Variants in ALPK1 observed in about 807,000 individuals in gnomAD.
ALPK1 encodes the protein alpha kinase 1, also known as alpha-protein kinase 1.
Under a neutral mutation model 120.6 loss-of-function variants are expected in ALPK1, and 110 were observed. The observed-to-expected ratio is 0.91, with a 90% CI of 0.78 to 1.07. The LOEUF is 1.07. Among genes scored for constraint, ALPK1 ranks in the 50% least tolerant of loss-of-function variants. ALPK1 has a pLI of 0.00. For synonymous variants in ALPK1, 582 were observed against 560.3 expected (o/e 1.04, Z -0.55); for missense variants, 1,498 against 1,483.9 (o/e 1.01, Z -0.16).
Position 112,382,472 on chromosome 4 carries a change from T to C in ALPK1, c.196T>C (p.Trp66Arg). Residue 66 changes from tryptophan to arginine, a missense_variant, in exon 4 of 16, where the codon TGG becomes CGG. Physicochemically the swap from Trp to Arg is moderately radical, Grantham distance 101. Transcript: ENST00000650871. The part of the protein sequence containing the change: ...EMKWPFVPEK[W>R]QYKQAVGPED... ...GAAGTGGCCCTTCGTGCCTGAAAAGTGGCAGTACAAACAAGCCGTGGGCCC... is the reference window on the plus strand; with the variant it reads ...GAAGTGGCCCTTCGTGCCTGAAAAGCGGCAGTACAAACAAGCCGTGGGCCC... 1.2e-6 allele frequency: 2 copies of C among 1,614,094 alleles called. No individual in the cohort carries two copies. Among genetic ancestry groups the C allele is most frequent in the Non-Finnish European group, 1.7e-6 (2 of 1,180,030 alleles).
intron 2 of ALPK1, among the ~76,000 whole-genome samples, chr4:112,367,901 A>T (rs1731228385): frequency 6.6e-6 from 1 of 152,020 alleles, no homozygotes; most frequent in Admixed American, 6.6e-5. Context: ...GCTAGAGCTA[A>T]TTATTTTTTT....
chr4:112,375,910 G>A (rs1731638349), intron 2 of ALPK1, among the ~76,000 whole-genome samples: 1 of 152,110 alleles, frequency 6.6e-6, no homozygotes, highest in Non-Finnish European at 1.5e-5. Flanking sequence ...AACACATAGA[G>A]GCTGCTGTAG....
Position 112,310,593 on chromosome 4 carries a change from A to G in ALPK1, c.-152-5208A>G, listed in dbSNP as rs1376770845. Among the ~76,000 whole-genome samples, 3 of 152,204 alleles carry G rather than the reference A, an allele frequency of 2.0e-5. No homozygotes were observed. In the East Asian group the frequency reaches 5.8e-4, roughly 29 times the overall value. On this transcript the variant is annotated intron_variant, in intron 1 of 15. Transcript: ENST00000650871. ...GATCTAGGTTACCTTTATCAAGTGT[A>G]AATGGGAACCTGCAGTACAGGATGC...
At chr4:112,390,256 A>T (rs1732347789) in intron 4 of ALPK1, among the ~76,000 whole-genome samples, 1 of 151,998 alleles carries the variant, frequency 6.6e-6, no homozygotes, top group Non-Finnish European at 1.5e-5. Context: ...GCTGCTCTCC[A>T]TTCCCGAGAC....
At chr4:112,372,371 C>T (rs561992569) in intron 2 of ALPK1, among the ~76,000 whole-genome samples, 7 of 152,180 alleles carry the variant, frequency 4.6e-5, no homozygotes, top group Admixed American at 4.6e-4. Flanking sequence ...AGCCACCACA[C>T]CCGGCTAATT....
intron 2 of ALPK1, among the ~76,000 whole-genome samples, chr4:112,349,353 C>G (rs1020420333): frequency 6.6e-6 from 1 of 151,966 alleles, no homozygotes; most frequent in African/African-American, 2.4e-5. Flanking sequence ...GAAACCAAAT[C>G]CAGAGTAAAC....
At chr4:112,437,912 C>T (rs555372002) in intron 12 of ALPK1, among the ~76,000 whole-genome samples, 4 of 152,236 alleles carry the variant, frequency 2.6e-5, no homozygotes, top group East Asian at 1.9e-4. Flanking sequence ...TGCTTCTTTC[C>T]GCATGTAATC....
At chr4:112,331,912 A>T (rs561603191) in intron 2 of ALPK1, among the ~76,000 whole-genome samples, 1 of 152,344 alleles carries the variant, frequency 6.6e-6, no homozygotes, top group South Asian at 2.1e-4. Context: ...TGGGTCTCAT[A>T]CATAATCAGT....
At chr4:112,378,015 G>C in intron 3 of ALPK1, 117 bp downstream of exon 3, 4 of 1,186,188 alleles carry the variant, frequency 3.4e-6, no homozygotes, top group Non-Finnish European at 4.4e-6. Context: ...GATGACCACC[G>C]AGAGATGAGT....
chr4:112,359,166 C>A (rs1405119693), intron 2 of ALPK1: 1 of 634,510 alleles, frequency 1.6e-6, no homozygotes, highest in South Asian at 1.6e-5. Flanking sequence ...CCAGGGCAGG[C>A]CCCACCTGTC....
chr4:112,313,848 A>C (rs1254920866), intron 1 of ALPK1, among the ~76,000 whole-genome samples: 1 of 152,234 alleles, frequency 6.6e-6, no homozygotes, highest in Non-Finnish European at 1.5e-5. Flanking sequence ...CGTTTAAAAG[A>C]GAATGGGAAG....
chr4:112,332,726 A>G (rs1191641588), intron 2 of ALPK1, among the ~76,000 whole-genome samples: 2 of 152,198 alleles, frequency 1.3e-5, no homozygotes, highest in Non-Finnish European at 2.9e-5. Context: ...ACACACTGAG[A>G]TAGATTTTGT....
intron 2 of ALPK1, among the ~76,000 whole-genome samples, chr4:112,353,910 A>G (rs1201652341): frequency 6.6e-6 from 1 of 151,918 alleles, no homozygotes; most frequent in Non-Finnish European, 1.5e-5. Context: ...TAAGTTGTGC[A>G]GGGTTTCCCA....
At chr4:112,341,570 A>G (rs1729864702) in intron 2 of ALPK1, among the ~76,000 whole-genome samples, 1 of 152,136 alleles carries the variant, frequency 6.6e-6, no homozygotes, top group African/African-American at 2.4e-5. Flanking sequence ...GTCTTTTTTT[A>G]AAGAGCTTTT....
intron 2 of ALPK1, among the ~76,000 whole-genome samples, chr4:112,326,794 T>G (rs1729137338): frequency 1.3e-5 from 2 of 152,196 alleles, no homozygotes; most frequent in South Asian, 4.1e-4. Flanking sequence ...CATTGTTGAT[T>G]GAACAGGGAT....
intron 1 of ALPK1, among the ~76,000 whole-genome samples, chr4:112,308,724 G>A (rs1466517646): frequency 1.3e-5 from 2 of 151,872 alleles, no homozygotes; most frequent in East Asian, 1.9e-4. Flanking sequence ...AAGTTTGATC[G>A]TCTGAAGCCT....
At chr4:112,377,997 T>C in intron 3 of ALPK1, 99 bp downstream of exon 3, 3 of 1,198,384 alleles carry the variant, frequency 2.5e-6, no homozygotes, top group Non-Finnish European at 3.2e-6. Context: ...ATTTTTCTTC[T>C]CTTGGCAGAT....
At chr4:112,365,979 G>T (rs1375367271) in intron 2 of ALPK1, among the ~76,000 whole-genome samples, 2 of 152,124 alleles carry the variant, frequency 1.3e-5, no homozygotes, top group Non-Finnish European at 2.9e-5. Context: ...TTCAACAAAT[G>T]GTGCTGGGAT....
intron 2 of ALPK1, among the ~76,000 whole-genome samples, chr4:112,344,015 T>C (rs898648917): frequency 6.6e-6 from 1 of 152,168 alleles, no homozygotes; most frequent in Non-Finnish European, 1.5e-5. Flanking sequence ...AAGAAAGCCT[T>C]TCATGTTGGT....
Sources: allele counts gnomAD v4.1 joint callset (sites outside exome capture counted in the v4.1 genomes callset), GRCh38; gene constraint gnomAD v4.1.1; transcripts MANE v1.5; gene names NCBI Gene and HGNC (gene_info 2026-07-23, HGNC 2026-07-21).